DYSF: variants seen among roughly 807,000 people sequenced by gnomAD.
DYSF encodes dystrophy-associated fer-1-like 1.
A neutral mutation model predicts 274.9 loss-of-function variants in DYSF; 212 were observed. That is an observed-to-expected ratio of 0.77 (90% confidence interval 0.69 to 0.86). The LOEUF is 0.86. Ranked by LOEUF, DYSF falls within the 40% of genes least tolerant of loss-of-function variation. The pLI is 0.00. For synonymous variants in DYSF, 1,091 were observed against 1,078.7 expected, an observed-to-expected ratio of 1.01 and a Z score of -0.22; for missense variants, 2,666 against 2,783.2, an observed-to-expected ratio of 0.96 and a Z score of 0.95.
At chr2:71,548,354 G>A (rs1016538365) in intron 17 of DYSF, among the ~76,000 whole-genome samples, 1 of 152,196 alleles carries the variant, frequency 6.6e-6, no homozygotes, top group Non-Finnish European at 1.5e-5. Context: ...GGGGCAAAAC[G>A]AGTGTTTTCT....
chr2:71,480,323 C>T (rs929612938), intron 1 of DYSF, among the ~76,000 whole-genome samples: 1 of 151,970 alleles, frequency 6.6e-6, no homozygotes, highest in Non-Finnish European at 1.5e-5. Flanking sequence ...CGCTTGAGGC[C>T]AGGAGTTCCA....
chr2:71,569,757 T>TGGTAGATGGATGGGGGCCTCTCCA, intron 26 of DYSF, 63 bp from the exon 27 acceptor site: 1 of 1,389,408 alleles, frequency 7.2e-7, no homozygotes. Context: ...CTCCAGGAGG[T>TGGTAGATGGATGGGGGCCTCTCCA]GGTAGATGGA....
intron 3 of DYSF, among the ~76,000 whole-genome samples, chr2:71,498,986 C>T (rs555355301): frequency 3.9e-5 from 6 of 152,270 alleles, no homozygotes; most frequent in African/African-American, 4.8e-5. Flanking sequence ...GGAGTTTTTA[C>T]GTTTTGTTTT....
intron 1 of DYSF, among the ~76,000 whole-genome samples, chr2:71,476,870 A>G (rs1371884949): frequency 9.2e-6 from 1 of 108,832 alleles, no homozygotes; most frequent in Non-Finnish European, 1.7e-5. Flanking sequence ...TTAAAGAATG[A>G]CTGACAAAAC....
At chr2:71,470,734 TTCTTTCC>T (rs1223257058) in intron 1 of DYSF, among the ~76,000 whole-genome samples, 2 of 120,798 alleles carry the variant, frequency 1.7e-5, no homozygotes, top group East Asian at 2.5e-4. Context: ...CCTTCCTTCC[TTCTTTCC>T]TTCCTTCCTT....
chr2:71,686,735 T>C lies in DYSF; in HGVS notation c.*243T>C. 1 of 575,582 alleles carries C rather than the reference T, an allele frequency of 1.7e-6. No homozygotes were observed. The highest frequency in any genetic ancestry group is 3.1e-6 in the Non-Finnish European group (1 of 318,078). 35.7% of individuals were successfully genotyped at this position (575,582 alleles called of 1,614,324 possible). On this transcript the variant is annotated 3_prime_UTR_variant, in exon 56 of 56. Transcript: ENST00000410020. Reference sequence around the variant, plus strand: ...ACGCTTTTTTGGATCAGCTCAGACATATTTCAGTATAAAACAGTTGGAACC... The same window carrying C: ...ACGCTTTTTTGGATCAGCTCAGACACATTTCAGTATAAAACAGTTGGAACC...
intron 32 of DYSF, among the ~76,000 whole-genome samples, chr2:71,595,615 G>T (rs2093384529): frequency 6.6e-6 from 1 of 152,198 alleles, no homozygotes; most frequent in African/African-American, 2.4e-5. Flanking sequence ...CTGGTGCAGG[G>T]CTCTGGATCC....
intron 1 of DYSF, among the ~76,000 whole-genome samples, chr2:71,461,074 C>T (rs1255663361): frequency 1.3e-5 from 2 of 152,204 alleles, no homozygotes; most frequent in East Asian, 3.8e-4. Flanking sequence ...CCGGGAGCCA[C>T]GTGCAGTGTC....
chr2:71,634,980 G>T (rs1363460303), intron 41 of DYSF, among the ~76,000 whole-genome samples: 1 of 152,138 alleles, frequency 6.6e-6, no homozygotes, highest in Non-Finnish European at 1.5e-5. Flanking sequence ...ATGACACTCT[G>T]GGGTCTGTGG....
chr2:71,489,963 C>T (rs559740062), intron 3 of DYSF, among the ~76,000 whole-genome samples: 1 of 152,258 alleles, frequency 6.6e-6, no homozygotes, highest in South Asian at 2.1e-4. Context: ...TAATATAATG[C>T]ATGTGTGTCA....
intron 47 of DYSF, 145 bp from the exon 48 acceptor site, chr2:71,667,231 A>G: frequency 9.0e-7 from 1 of 1,115,674 alleles, no homozygotes; most frequent in Non-Finnish European, 1.3e-6. Context: ...GGACCAGAAA[A>G]AGTGCATCTG....
At chr2:71,613,268 G>A in intron 39 of DYSF, 66 bp from the exon 40 acceptor site, 2 of 1,467,572 alleles carry the variant, frequency 1.4e-6, no homozygotes, top group South Asian at 2.4e-5. Flanking sequence ...TTGAGCCCTG[G>A]GGCTGGTGAG....
intron 17 of DYSF, among the ~76,000 whole-genome samples, chr2:71,540,096 G>T: frequency 6.7e-6 from 1 of 150,276 alleles, no homozygotes; most frequent in African/African-American, 2.5e-5. Context: ...TGTGTGAAAA[G>T]ATTTCAACTT....
At chr2:71,624,600 C>T (rs1448343524) in intron 41 of DYSF, among the ~76,000 whole-genome samples, 1 of 151,858 alleles carries the variant, frequency 6.6e-6, no homozygotes, top group Non-Finnish European at 1.5e-5. Context: ...TTATATGATA[C>T]AAATATTTCA....
intron 38 of DYSF, 127 bp downstream of exon 38, chr2:71,611,753 G>T: frequency 8.1e-7 from 1 of 1,240,074 alleles, no homozygotes; most frequent in Non-Finnish European, 1.1e-6. Context: ...TCACTTTCCT[G>T]TGAACATGGG....
chr2:71,551,835 A>G, intron 19 of DYSF, 115 bp downstream of exon 19: 1 of 815,940 alleles, frequency 1.2e-6, no homozygotes, highest in Non-Finnish European at 2.0e-6. Context: ...GCCCACACGC[A>G]TCGTGCCTTT....
chr2:71,530,057 G>A (rs2088488960), intron 14 of DYSF, among the ~76,000 whole-genome samples: 1 of 152,288 alleles, frequency 6.6e-6, no homozygotes, highest in East Asian at 1.9e-4. Flanking sequence ...TTTTAAACTC[G>A]TTCATGTGGA....
intron 3 of DYSF, among the ~76,000 whole-genome samples, chr2:71,487,331 T>C (rs2083443843): frequency 6.6e-6 from 1 of 152,082 alleles, no homozygotes; most frequent in South Asian, 2.1e-4. Flanking sequence ...TGGCTGCATC[T>C]AGAAATGACC....
chr2:71,570,064 C>T, intron 27 of DYSF, 130 bp downstream of exon 27: 1 of 1,106,842 alleles, frequency 9.0e-7, no homozygotes, highest in South Asian at 1.3e-5. Flanking sequence ...CTTTGATTTC[C>T]AAAGGGAAAG....
Sources: gnomAD v4.1 joint callset for allele counts (sites outside exome capture counted in the v4.1 genomes callset) on GRCh38, gnomAD v4.1.1 for gene constraint, MANE v1.5 for transcripts, NCBI Gene and HGNC (gene_info 2026-07-23, HGNC 2026-07-21) for gene names.